Variants in KIAA0825 observed in about 807,000 individuals in gnomAD.
KIAA0825 encodes KIAA0825.
KIAA0825 carries 119 observed loss-of-function variants against 147.6 expected under a neutral mutation model. The observed-to-expected ratio is 0.81, with a 90% CI of 0.69 to 0.94. The LOEUF is 0.94. KIAA0825 is among the 40% of genes least tolerant of loss of function. The pLI, the probability that KIAA0825 is intolerant of heterozygous loss-of-function variation, is 0.00. For missense variants in KIAA0825, 1,381 were observed against 1,472.7 expected, an observed-to-expected ratio of 0.94 and a Z score of 1.02; for synonymous variants, 470 against 518.1, an observed-to-expected ratio of 0.91 and a Z score of 1.26.
At chr5:94,573,493 A>G (rs768135658) in intron 2 of KIAA0825, among the ~76,000 whole-genome samples, 11 of 152,152 alleles carry the variant, frequency 7.2e-5, no homozygotes, top group Non-Finnish European at 1.6e-4. Flanking sequence ...GCTGGTCTCA[A>G]ATTCCTGACC....
chr5:94,324,414 C>T (rs904896538), intron 20 of KIAA0825, among the ~76,000 whole-genome samples: 2 of 151,876 alleles, frequency 1.3e-5, no homozygotes, highest in African/African-American at 2.4e-5. Flanking sequence ...GCTATGATTC[C>T]GTATGCCCTT....
At chr5:94,551,636 A>G (rs1239506597) in intron 2 of KIAA0825, among the ~76,000 whole-genome samples, 1 of 152,112 alleles carries the variant, frequency 6.6e-6, no homozygotes, top group Non-Finnish European at 1.5e-5. Context: ...AGAAATGGAG[A>G]AACAGTCTTT....
intron 20 of KIAA0825, among the ~76,000 whole-genome samples, chr5:94,338,113 G>C (rs956048925): frequency 6.6e-6 from 1 of 152,164 alleles, no homozygotes; most frequent in Non-Finnish European, 1.5e-5. Context: ...CAACACCCAG[G>C]TTCCCAGCTT....
At chr5:94,262,528 A>G (rs1441176213) in intron 20 of KIAA0825, among the ~76,000 whole-genome samples, 1 of 152,190 alleles carries the variant, frequency 6.6e-6, no homozygotes, top group Admixed American at 6.5e-5. Flanking sequence ...TGGAAGATAA[A>G]TATTCATCAG....
intron 13 of KIAA0825, among the ~76,000 whole-genome samples, chr5:94,445,625 A>G (rs911824141): frequency 1.3e-5 from 2 of 152,174 alleles, no homozygotes; most frequent in Admixed American, 6.6e-5. Flanking sequence ...ATGCAAACCA[A>G]TGTGAAAACC....
rs536104847 is a variant in KIAA0825 at position 94,520,475 on chromosome 5, A to T, written c.743T>A (p.Met248Lys). 1 of 1,612,830 alleles carries T rather than the reference A, an allele frequency of 6.2e-7. No homozygotes were observed. The highest frequency in any genetic ancestry group is 1.1e-5 in the South Asian group (1 of 91,042). ...TTTTATTACTGAGTATAACTTAAGC[A>T]TTGTACTTTGATATCCATGAGCTAT... ...DVIAHGYQST[M>K]LKLYSVIKED... Residue 248 changes from methionine (M) to lysine (K), a missense_variant, in exon 5 of 21, where the codon ATG becomes AAG. Transcript: ENST00000682413.
intron 13 of KIAA0825, among the ~76,000 whole-genome samples, chr5:94,450,818 C>G (rs1024901545): frequency 2.6e-5 from 4 of 152,202 alleles, no homozygotes; most frequent in African/African-American, 9.6e-5. Flanking sequence ...TAATTAATAA[C>G]TGACAATCTT....
chr5:94,246,073 A>G (rs1426380294), intron 20 of KIAA0825, among the ~76,000 whole-genome samples: 1 of 152,202 alleles, frequency 6.6e-6, no homozygotes, highest in Non-Finnish European at 1.5e-5. Context: ...TAGTTCGACA[A>G]TGAGATTTTC....
At chr5:94,541,741 T>C (rs1773361748) in intron 2 of KIAA0825, among the ~76,000 whole-genome samples, 1 of 152,232 alleles carries the variant, frequency 6.6e-6, no homozygotes, top group Admixed American at 6.5e-5. Flanking sequence ...ATTGAATACA[T>C]TTGTCTGTAA....
chr5:94,315,354 T>C (rs983259736), intron 20 of KIAA0825, among the ~76,000 whole-genome samples: 17 of 151,568 alleles, frequency 1.1e-4, no homozygotes, highest in African/African-American at 7.3e-5. Context: ...GGTAAACTTA[T>C]TATTTTTTTT....
chr5:94,420,153 A>G (rs964877288), intron 14 of KIAA0825, among the ~76,000 whole-genome samples: 1 of 152,028 alleles, frequency 6.6e-6, no homozygotes, highest in Non-Finnish European at 1.5e-5. Context: ...ATGTGGCTGA[A>G]GTGAGACTGC....
chr5:94,286,147 A>C (rs1426680253), intron 20 of KIAA0825, among the ~76,000 whole-genome samples: 1 of 152,206 alleles, frequency 6.6e-6, no homozygotes, highest in Non-Finnish European at 1.5e-5. Flanking sequence ...ACATGGCTAC[A>C]AAGTCAAACC....
chr5:94,420,764 A>T (rs1754082462), intron 14 of KIAA0825, among the ~76,000 whole-genome samples: 1 of 152,142 alleles, frequency 6.6e-6, no homozygotes, highest in South Asian at 2.1e-4. Flanking sequence ...CAGAAAAAAT[A>T]GATTGTTTTA....
At chr5:94,572,395 G>C (rs973215870) in intron 2 of KIAA0825, among the ~76,000 whole-genome samples, 9 of 152,070 alleles carry the variant, frequency 5.9e-5, no homozygotes, top group African/African-American at 2.2e-4. Flanking sequence ...ATCTAAAAAA[G>C]AAAAATGGGC....
intron 20 of KIAA0825, among the ~76,000 whole-genome samples, chr5:94,325,911 T>A (rs904513818): frequency 1.1e-4 from 16 of 152,068 alleles, no homozygotes; most frequent in African/African-American, 1.4e-4. Flanking sequence ...GAAGGTATTT[T>A]ATAATATACT....
At chr5:94,372,537 A>G (rs1282891922) in intron 20 of KIAA0825, among the ~76,000 whole-genome samples, 1 of 152,206 alleles carries the variant, frequency 6.6e-6, no homozygotes, top group African/African-American at 2.4e-5. Context: ...CAATGGCCTG[A>G]GCTGTACCTT....
intron 7 of KIAA0825, among the ~76,000 whole-genome samples, chr5:94,474,247 G>T (rs1761577310): frequency 6.6e-6 from 1 of 152,048 alleles, no homozygotes; most frequent in Admixed American, 6.6e-5. Context: ...TTTTCCTTTG[G>T]TCTATGGCTC....
chr5:94,180,992 A>C (rs914280822), intron 20 of KIAA0825, among the ~76,000 whole-genome samples: 22 of 152,180 alleles, frequency 1.4e-4, no homozygotes, highest in Admixed American at 1.4e-3. Flanking sequence ...AAAACCACTG[A>C]CAACAGGTTT....
In KIAA0825 at chr5:94,182,445, A is replaced by G. The variant is rs188808910; in HGVS notation, c.3711-28321T>C. Among the ~76,000 whole-genome samples the G allele has an allele frequency of 1.4e-3, 211 of 150,582 alleles. 1 individual carries two copies. The highest frequency in any genetic ancestry group is 4.6e-3 in the African/African-American group (190 of 41,030). On this transcript the variant is annotated intron_variant, in intron 20 of 20. Transcript: ENST00000682413. ...AGGCTACTTTTTGTATTTTTAGTAG[A>G]GATGGGGTTTCACCATGTTGGCCAG...
Sources: allele counts gnomAD v4.1 joint callset (sites outside exome capture counted in the v4.1 genomes callset), GRCh38; gene constraint gnomAD v4.1.1; transcripts MANE v1.5; gene names NCBI Gene and HGNC (gene_info 2026-07-23, HGNC 2026-07-21).